Variants in CORO2B observed in about 807,000 individuals in gnomAD.
The protein encoded by CORO2B is coronin 2B.
A neutral mutation model predicts 58.8 loss-of-function variants in CORO2B; 26 were observed. That is an observed-to-expected ratio of 0.44 (90% CI 0.32 to 0.61). CORO2B has a LOEUF of 0.61. CORO2B is among the 20% of genes least tolerant of loss of function. The pLI is 0.04. For missense variants in CORO2B, 460 were observed against 645.1 expected, an observed-to-expected ratio of 0.71 and a Z score of 3.11; for synonymous variants, 242 against 253.8, an observed-to-expected ratio of 0.95 and a Z score of 0.44.
At chr15:68,639,708 A>G (rs1328993896) in intron 1 of CORO2B, among the ~76,000 whole-genome samples, 1 of 152,190 alleles carries the variant, frequency 6.6e-6, no homozygotes, top group Non-Finnish European at 1.5e-5. Context: ...GAAGCTGACT[A>G]CCTATCAAGG....
At chr15:68,578,955 C>A, upstream of CORO2B, 1 of 876,676 alleles carries the variant, frequency 1.1e-6, no homozygotes, top group Non-Finnish European at 1.4e-6. The surrounding 1 kb of genome is among the most constrained non-coding windows in gnomAD (Gnocchi z 4.2). Context: ...TCTTCCTCCC[C>A]CCGCCCCCCA....
the CORO2B span, among the ~76,000 whole-genome samples, chr15:68,527,904 G>A: frequency 1.3e-5 from 2 of 152,066 alleles, no homozygotes; most frequent in Non-Finnish European, 2.9e-5. Context: ...ACTGTAAATG[G>A]TATTTTGTAA....
intron 8 of CORO2B, among the ~76,000 whole-genome samples, chr15:68,716,312 A>C (rs1893030946): frequency 6.6e-6 from 1 of 152,198 alleles, no homozygotes; most frequent in Non-Finnish European, 1.5e-5. Context: ...CAGTTTCCTC[A>C]TCTGTAAAAT....
At chr15:68,604,945 G>A (rs1475446742) in intron 1 of CORO2B, among the ~76,000 whole-genome samples, 1 of 151,842 alleles carries the variant, frequency 6.6e-6, no homozygotes, top group Admixed American at 6.6e-5. Flanking sequence ...GAAACCCTGT[G>A]TCTACTAAAA....
chr15:68,643,390 G>C (rs577582497), intron 1 of CORO2B, among the ~76,000 whole-genome samples: 15 of 152,142 alleles, frequency 9.9e-5, no homozygotes, highest in Non-Finnish European at 1.9e-4. Flanking sequence ...GAGGGGAAAG[G>C]GCAGTGACCC....
intron 1 of CORO2B, among the ~76,000 whole-genome samples, chr15:68,633,363 T>C (rs1900908821): frequency 6.6e-6 from 1 of 152,130 alleles, no homozygotes; most frequent in Non-Finnish European, 1.5e-5. Context: ...GAGACAGTTA[T>C]CACGGATGTT....
intron 1 of CORO2B, among the ~76,000 whole-genome samples, chr15:68,589,492 C>G (rs187043920): frequency 2.5e-4 from 38 of 152,286 alleles, no homozygotes; most frequent in African/African-American, 8.7e-4. Context: ...CTGCTACAGC[C>G]GGAAGGGACT....
At chr15:68,522,684 T>G in the CORO2B span, among the ~76,000 whole-genome samples, 3 of 152,202 alleles carry the variant, frequency 2.0e-5, no homozygotes, top group Non-Finnish European at 4.4e-5. Context: ...ATTATATTCC[T>G]TTTCAGTTTT....
chr15:68,715,429 C>T (rs1185280296), intron 8 of CORO2B, 118 bp downstream of exon 8: 1 of 694,004 alleles, frequency 1.4e-6, no homozygotes, highest in Non-Finnish European at 2.5e-6. Flanking sequence ...AGCACATGGG[C>T]AAGTTGGAAC....
chr15:68,666,625 G>A (rs1478039487), intron 2 of CORO2B, among the ~76,000 whole-genome samples: 1 of 152,108 alleles, frequency 6.6e-6, no homozygotes. Context: ...TCCCCTGAAT[G>A]AGCTCTTCCT....
At chr15:68,677,664 G>A (rs1902632676) in intron 2 of CORO2B, among the ~76,000 whole-genome samples, 1 of 152,206 alleles carries the variant, frequency 6.6e-6, no homozygotes, top group Admixed American at 6.5e-5. Context: ...AGGCCTTGGT[G>A]ACTTCGTGTT....
intron 3 of CORO2B, among the ~76,000 whole-genome samples, chr15:68,709,961 C>G (rs1892876347): frequency 6.6e-6 from 1 of 152,122 alleles, no homozygotes; most frequent in South Asian, 2.1e-4. Context: ...AGAAGCCCAC[C>G]AGGGCTGATG....
chr15:68,531,614 GGAGA>G, the CORO2B span, among the ~76,000 whole-genome samples: 9 of 141,276 alleles, frequency 6.4e-5, no homozygotes, highest in Admixed American at 3.0e-4. Flanking sequence ...AGGAAGGGAA[GGAGA>G]GAGAGAGAAA....
the CORO2B span, among the ~76,000 whole-genome samples, chr15:68,547,812 A>G: frequency 6.6e-6 from 1 of 152,204 alleles, no homozygotes; most frequent in Non-Finnish European, 1.5e-5. Context: ...ATTAAATACT[A>G]TTTTCAATCT....
At chr15:68,596,388 T>TC (rs1441368188) in intron 1 of CORO2B, among the ~76,000 whole-genome samples, 5 of 140,070 alleles carry the variant, frequency 3.6e-5, no homozygotes, top group Non-Finnish European at 7.7e-5. Context: ...GAGAAGGGGA[T>TC]CCCCTGTGGA....
Position 68,714,017 on chromosome 15 carries a change from A to C in CORO2B, c.741A>C (p.Thr247=), listed in dbSNP as rs1359225903. The C allele has an allele frequency of 6.2e-7, 1 of 1,613,800 alleles. No individual in the cohort carries two copies. The change falls in exon 6 of 12, where the codon ACA becomes ACC. Residue 247 remains threonine (T), a synonymous_variant. Coordinates refer to ENST00000261861, the MANE Select transcript of CORO2B (RefSeq NM_006091.5). The stretch of plus-strand genomic sequence containing the variant: ...CGACAGGGGTCTCCAGGTGGAACAC[A>C]AGACAGATTGCCCTCTGGGACCAGG... ...LLTTGVSRWN[T]RQIALWDQED...
chr15:68,714,191 G>A, intron 6 of CORO2B, 150 bp downstream of exon 6: 6 of 617,346 alleles, frequency 9.7e-6, no homozygotes, highest in Non-Finnish European at 1.4e-5. Flanking sequence ...CCCAGAGGCC[G>A]AGCTTGGGTA....
At chr15:68,674,093 CGT>C (rs1902492318) in intron 2 of CORO2B, among the ~76,000 whole-genome samples, 1 of 152,116 alleles carries the variant, frequency 6.6e-6, no homozygotes, top group African/African-American at 2.4e-5. Context: ...AGAGAGGCTG[CGT>C]GTGTGTCTCG....
At chr15:68,524,742 C>G in the CORO2B span, among the ~76,000 whole-genome samples, 4 of 152,198 alleles carry the variant, frequency 2.6e-5, no homozygotes, top group African/African-American at 9.6e-5. Context: ...ATTTATGCTT[C>G]TTTTCTGTTG....
Sources: gnomAD v4.1 joint callset for allele counts (sites outside exome capture counted in the v4.1 genomes callset) on GRCh38, gnomAD v4.1.1 for gene constraint, Gnocchi (gnomAD v3.1) non-coding constraint, MANE v1.5 for transcripts, NCBI Gene and HGNC (gene_info 2026-07-23, HGNC 2026-07-21) for gene names.